The following PDS5B variants were observed in gnomAD, a reference collection of about 807,000 sequenced individuals.
The protein encoded by PDS5B is sister chromatid cohesion protein PDS5 homolog B.
In PDS5B, 51 loss-of-function variants were observed where a neutral mutation model predicts 184.1. The observed-to-expected ratio is 0.28, with a 90% CI of 0.22 to 0.35. PDS5B has a LOEUF of 0.35. Ranked by LOEUF, PDS5B falls within the 10% of genes least tolerant of loss-of-function variation. The probability of loss-of-function intolerance (pLI) is 1.00; values close to 1 mark genes in which losing one functional copy is unlikely to be tolerated. For missense variants in PDS5B, 1,180 were observed against 1,723.3 expected, an observed-to-expected ratio of 0.68 and a Z score of 5.58; for synonymous variants, 566 against 569.2, an observed-to-expected ratio of 0.99 and a Z score of 0.08.
chr13:32,757,952 A>C (rs1293329847), intron 26 of PDS5B, 135 bp from the exon 27 acceptor site: 3 of 417,244 alleles, frequency 7.2e-6, no homozygotes, highest in East Asian at 7.6e-5. Context: ...CTGGTTTGTA[A>C]CTGTTTCTTT....
chr13:32,741,470 C>T (rs1953549096), intron 22 of PDS5B, among the ~76,000 whole-genome samples: 1 of 152,086 alleles, frequency 6.6e-6, no homozygotes, highest in South Asian at 2.1e-4. Flanking sequence ...TTCATCTTTT[C>T]CATGGGATTT....
intron 1 of PDS5B, among the ~76,000 whole-genome samples, chr13:32,631,125 T>G (rs927440094): frequency 2.7e-5 from 4 of 148,422 alleles, no homozygotes; most frequent in African/African-American, 7.6e-5. Context: ...TTTCTTTTTT[T>G]TTTTTTTTGA....
intron 3 of PDS5B, 39 bp from the exon 4 acceptor site, chr13:32,658,200 T>C: frequency 1.1e-6 from 1 of 926,878 alleles, no homozygotes; most frequent in Non-Finnish European, 1.7e-6. Flanking sequence ...TCATTTAGCG[T>C]TCATAATCTA....
At chr13:32,769,871 T>G (rs17754440) in intron 31 of PDS5B, among the ~76,000 whole-genome samples, 1 of 152,192 alleles carries the variant, frequency 6.6e-6, no homozygotes, top group Admixed American at 6.5e-5. Context: ...ATACTGATCT[T>G]GAGAGGTTTC....
chr13:32,671,999 ATGATAAATGATC>A (rs1336425929), intron 7 of PDS5B, among the ~76,000 whole-genome samples: 1 of 152,190 alleles, frequency 6.6e-6, no homozygotes, highest in Non-Finnish European at 1.5e-5. Flanking sequence ...CAGTAGTAAT[ATGATAAATGATC>A]TGAGTGTGGA....
intron 18 of PDS5B, among the ~76,000 whole-genome samples, chr13:32,708,167 C>A (rs781283257): frequency 6.6e-6 from 1 of 152,164 alleles, no homozygotes; most frequent in Non-Finnish European, 1.5e-5. Flanking sequence ...CTGCACCCTA[C>A]CTATGGGGTA....
chr13:32,697,242 C>T (rs1951732695), intron 15 of PDS5B, among the ~76,000 whole-genome samples: 1 of 152,102 alleles, frequency 6.6e-6, no homozygotes, highest in Non-Finnish European at 1.5e-5. Context: ...TATTAATTTG[C>T]TTTTTTGCTT....
intron 1 of PDS5B, among the ~76,000 whole-genome samples, chr13:32,623,832 AGACAGAGTCTGGCTC>A (rs1345879406): frequency 6.6e-6 from 1 of 151,464 alleles, no homozygotes; most frequent in Non-Finnish European, 1.5e-5. Flanking sequence ...GTTGTTGTTG[AGACAGAGTCTGGCTC>A]TCTCGCCAGG....
At chr13:32,745,506 A>G (rs1953711043) in intron 23 of PDS5B, among the ~76,000 whole-genome samples, 1 of 152,236 alleles carries the variant, frequency 6.6e-6, no homozygotes, top group Admixed American at 6.5e-5. Context: ...GTATTGCTAA[A>G]TTATTTTCTG....
At chr13:32,660,904 T>C (rs957733004) in intron 6 of PDS5B, among the ~76,000 whole-genome samples, 18 of 152,188 alleles carry the variant, frequency 1.2e-4, no homozygotes, top group African/African-American at 4.3e-4. Context: ...CTCAAGGCAA[T>C]TACTGTTTTG....
intron 14 of PDS5B, 37 bp from the exon 15 acceptor site, chr13:32,696,817 G>A: frequency 6.7e-7 from 1 of 1,498,116 alleles, no homozygotes; most frequent in Non-Finnish European, 9.2e-7. Flanking sequence ...TTCTTGTTAG[G>A]GAATTTTAAT....
intron 1 of PDS5B, among the ~76,000 whole-genome samples, chr13:32,628,864 A>G (rs2058412388): frequency 6.6e-6 from 1 of 151,462 alleles, no homozygotes; most frequent in Non-Finnish European, 1.5e-5. Flanking sequence ...TCGATGTCAG[A>G]TTTTTTTTTC....
chr13:32,712,373 A>G (rs1952236950), intron 19 of PDS5B, among the ~76,000 whole-genome samples: 1 of 152,248 alleles, frequency 6.6e-6, no homozygotes, highest in Admixed American at 6.5e-5. Flanking sequence ...GTGTGCACAC[A>G]CTGTTGTTGA....
In PDS5B at chr13:32,770,386, T is replaced by G. The variant is rs1954739667; in HGVS notation, c.3890T>G (p.Leu1297Arg). 6.8e-6 allele frequency: 11 copies of G among 1,613,082 alleles called. No homozygotes were observed. The highest frequency in any genetic ancestry group is 9.3e-6 in the Non-Finnish European group (11 of 1,179,850). ...KGKRGRPPKP[L>R]GGGTPKEEPT... ...AAAAGAGGCCGACCACCAAAACCTCTTGGTGGAGGTACACCAAAAGAAGAG... is the reference window on the plus strand; with the variant it reads ...AAAAGAGGCCGACCACCAAAACCTCGTGGTGGAGGTACACCAAAAGAAGAG... Residue 1297 changes from leucine to arginine, a missense_variant, in exon 32 of 35, where the codon CTT becomes CGT. By Grantham distance (102) the Leu-to-Arg change is moderately radical (BLOSUM62 -2). Coordinates refer to ENST00000315596, the MANE Select transcript of PDS5B (RefSeq NM_015032.4).
intron 30 of PDS5B, among the ~76,000 whole-genome samples, chr13:32,761,139 T>A (rs1954380388): frequency 6.6e-6 from 1 of 152,196 alleles, no homozygotes; most frequent in Non-Finnish European, 1.5e-5. Context: ...AATCTTTAAG[T>A]TTTGAAAACA....
intron 7 of PDS5B, among the ~76,000 whole-genome samples, 168 bp from the exon 8 acceptor site, chr13:32,673,048 A>G (rs2140760300): frequency 6.6e-6 from 1 of 152,326 alleles, no homozygotes; most frequent in African/African-American, 2.4e-5. Context: ...TCCATGTTTT[A>G]TCTTTCATGT....
intron 7 of PDS5B, among the ~76,000 whole-genome samples, chr13:32,669,765 C>T (rs935274714): frequency 1.2e-4 from 18 of 152,106 alleles, no homozygotes; most frequent in Non-Finnish European, 2.5e-4. Flanking sequence ...TGTCTCAGTA[C>T]GTTGTCCACT....
At chr13:32,661,687 TA>T (rs1025426469) in intron 6 of PDS5B, among the ~76,000 whole-genome samples, 15 of 146,600 alleles carry the variant, frequency 1.0e-4, no homozygotes, top group Admixed American at 2.0e-4. Context: ...ATGACTAGAG[TA>T]AAAAAAAAAT....
rs371540296 is a variant in PDS5B at position 32,758,414 on chromosome 13, A to T, written c.3190-120A>T. ...GTAGTGTAAGCTAAGATGCTTACAC[A>T]GACTGTTGCTTTCATTAGTTTGCTA... On this transcript the variant is annotated intron_variant, in intron 27 of 34. Coordinates refer to ENST00000315596, the MANE Select transcript of PDS5B (RefSeq NM_015032.4). The T allele has an allele frequency of 5.6e-6, 6 of 1,063,448 alleles. No individual in the cohort carries two copies. In the East Asian group the frequency reaches 7.2e-5, roughly 13 times the overall value. 65.9% of individuals were successfully genotyped at this position (1,063,448 alleles called of 1,614,324 possible).
Sources: allele counts gnomAD v4.1 joint callset (sites outside exome capture counted in the v4.1 genomes callset), GRCh38; gene constraint gnomAD v4.1.1; transcripts MANE v1.5; gene names NCBI Gene and HGNC (gene_info 2026-07-23, HGNC 2026-07-21).